The following RNF144B variants were observed in gnomAD, a reference collection of about 807,000 sequenced individuals.
The protein encoded by RNF144B is E3 ubiquitin-protein ligase RNF144B.
Under a neutral mutation model 40.2 loss-of-function variants are expected in RNF144B, and 25 were observed. That is an observed-to-expected ratio of 0.62 (90% confidence interval 0.45 to 0.87). RNF144B has a LOEUF of 0.87. Among genes scored for constraint, RNF144B ranks in the 40% least tolerant of loss-of-function variants. The pLI is 0.00. For missense variants in RNF144B, 365 were observed against 373.7 expected (o/e 0.98, Z 0.19); for synonymous variants, 145 against 136.3 (o/e 1.06, Z -0.44).
At chr6:18,404,833 T>C (rs1469130827) in intron 2 of RNF144B, among the ~76,000 whole-genome samples, 1 of 152,196 alleles carries the variant, frequency 6.6e-6, no homozygotes, top group Admixed American at 6.5e-5. Flanking sequence ...TCCAAGAACA[T>C]AATAATATAA....
chr6:18,400,165 C>G lies in RNF144B; in HGVS notation c.165+466C>G, dbSNP rs896248555. On this transcript the variant is annotated intron_variant, in intron 2 of 7. Coordinates refer to ENST00000259939, the MANE Select transcript of RNF144B (RefSeq NM_182757.4). The surrounding 1 kb of genome is among the most constrained non-coding windows in gnomAD (Gnocchi z 5.6). ...GCGGGCGCCTGTAGTCCCAGCTACTCGGGAGGCGGAGGCAGGAGAATGGCG... is the reference window on the plus strand; with the variant it reads ...GCGGGCGCCTGTAGTCCCAGCTACTGGGGAGGCGGAGGCAGGAGAATGGCG... Among the ~76,000 whole-genome samples, 2 of 151,458 alleles carry G rather than the reference C, an allele frequency of 1.3e-5. No homozygotes were observed. Among genetic ancestry groups the G allele is most frequent in the African/African-American group, 2.4e-5 (1 of 41,164 alleles).
chr6:18,407,070 C>T (rs978257346), intron 2 of RNF144B, among the ~76,000 whole-genome samples: 3 of 152,068 alleles, frequency 2.0e-5, no homozygotes, highest in Non-Finnish European at 4.4e-5. Context: ...CAGGTCCCTC[C>T]CTCAACATCT....
At position 18,451,417 on chromosome 6, in the gene RNF144B, C is replaced by T. The variant is rs1219299005; in HGVS notation, c.332-5738C>T. On this transcript the variant is annotated intron_variant, in intron 4 of 7. Coordinates refer to ENST00000259939, the MANE Select transcript of RNF144B (RefSeq NM_182757.4). ...TTTAATTGAAGTCGAGGCTTACTTA[C>T]GATATGAGTTCCGTAAATAAGTATG... is the stretch of plus-strand genomic sequence containing the variant. Among the ~76,000 whole-genome samples the T allele has an allele frequency of 3.3e-5, 5 of 152,176 alleles. No individual in the cohort carries two copies. The East Asian group carries it at 5.8e-4, about 18-fold the overall frequency.
chr6:18,396,594 A>T (rs907710865), intron 1 of RNF144B: 1 of 984,960 alleles, frequency 1.0e-6, no homozygotes, highest in African/African-American at 1.8e-5. Context: ...TTTTTCTCCT[A>T]CTCAGGAAGC....
Position 18,464,878 on chromosome 6 carries a change from A to C in RNF144B, c.772-49A>C, listed in dbSNP as rs146237176. ...AACAGTATAGTTGGAATAAGTATACATATTGAAAGACTTAATTGCTGAAAT... is the reference window on the plus strand; with the variant it reads ...AACAGTATAGTTGGAATAAGTATACCTATTGAAAGACTTAATTGCTGAAAT... On this transcript the variant is annotated intron_variant, in intron 7 of 7. Coordinates refer to ENST00000259939, the MANE Select transcript of RNF144B (RefSeq NM_182757.4). This position sits in a 1 kb window ranked among gnomAD's most constrained non-coding sequence, Gnocchi z 6.1. 3.9e-5 allele frequency: 61 copies of C among 1,582,404 alleles called. No individual in the cohort carries two copies. In the African/African-American group the frequency reaches 7.0e-4, roughly 18 times the overall value.
intron 1 of RNF144B, among the ~76,000 whole-genome samples, chr6:18,394,634 A>G (rs1794656793): frequency 6.6e-6 from 1 of 151,782 alleles, no homozygotes; most frequent in South Asian, 2.1e-4. Flanking sequence ...AAAAGCTTTG[A>G]ATGTTGGCTC....
chr6:18,461,434 C>T (rs1014537993), intron 6 of RNF144B, among the ~76,000 whole-genome samples: 2 of 152,050 alleles, frequency 1.3e-5, no homozygotes, highest in Non-Finnish European at 2.9e-5. Context: ...CAGGTTTCAC[C>T]AGAATATTAA....
Position 18,459,745 on chromosome 6 carries a change from C to T in RNF144B, c.675C>T (p.Asn225=), listed in dbSNP as rs1242345655. 6.2e-7 allele frequency: 1 copy of T among 1,613,894 alleles called. No homozygotes were observed. The highest frequency in any genetic ancestry group is 8.5e-7 in the Non-Finnish European group (1 of 1,179,764). ...CATTTTGCTGGTACTGCCTCCAGAACTTGGATGTAAGTTCCACCTAGGTTT... is the reference window on the plus strand; with the variant it reads ...CATTTTGCTGGTACTGCCTCCAGAATTTGGATGTAAGTTCCACCTAGGTTT... The part of the protein sequence containing the change: ...KHTFCWYCLQ[N]LDNDIFLRHY... Residue 225 remains asparagine (N), a synonymous_variant, in exon 6 of 8, where the codon AAC becomes AAT. Transcript: ENST00000259939. This position sits in a 1 kb window ranked among gnomAD's most constrained non-coding sequence, Gnocchi z 4.2.
Position 18,465,175 on chromosome 6 carries a change from C to G in RNF144B, c.*108C>G. ...CTTCTCCTTGCCAACTTTGAAAGTGCCTCCGTGTCCAGACTTTGAACTTGC... is the reference window on the plus strand; with the variant it reads ...CTTCTCCTTGCCAACTTTGAAAGTGGCTCCGTGTCCAGACTTTGAACTTGC... On this transcript the variant is annotated 3_prime_UTR_variant, in exon 8 of 8. Transcript: ENST00000259939. The G allele has an allele frequency of 1.7e-6, 2 of 1,151,758 alleles. No individual in the cohort carries two copies. The highest frequency in any genetic ancestry group is 2.5e-6 in the Non-Finnish European group (2 of 808,254). 71.3% of individuals were successfully genotyped at this position (1,151,758 alleles called of 1,614,324 possible).
At position 18,444,622 on chromosome 6, in the gene RNF144B, G is replaced by A. The variant is rs1280038168; in HGVS notation, c.331+4878G>A. Among the ~76,000 whole-genome samples, 4 of 152,022 alleles carry A rather than the reference G, an allele frequency of 2.6e-5. No homozygotes were observed. In the East Asian group the frequency reaches 5.8e-4, roughly 22 times the overall value. ...GAATATTTATTTATATTACCATATA[G>A]CAGTTTAAGAACTCTTACAGAAGGG... On this transcript the variant is annotated intron_variant, in intron 4 of 7. Transcript: ENST00000259939. The surrounding 1 kb of genome is among the most constrained non-coding windows in gnomAD (Gnocchi z 4.3).
chr6:18,390,067 C>G (rs989033954), intron 1 of RNF144B, among the ~76,000 whole-genome samples: 3 of 152,180 alleles, frequency 2.0e-5, no homozygotes, highest in Non-Finnish European at 4.4e-5. Flanking sequence ...GATGTGGTCT[C>G]TGTCCGGAAG....
rs1759009358 is a variant in RNF144B, at chr6:18,443,399, A to T, written c.331+3655A>T. ...TGCCTCAGCCTCCCGAGTAGATGGG[A>T]TTACAGGTGCCTGCCACCACACTTG... is the stretch of plus-strand genomic sequence containing the variant. On this transcript the variant is annotated intron_variant, in intron 4 of 7. Coordinates refer to ENST00000259939, the MANE Select transcript of RNF144B (RefSeq NM_182757.4). This position sits in a 1 kb window ranked among gnomAD's most constrained non-coding sequence, Gnocchi z 4.7. 6.6e-6 allele frequency among the ~76,000 whole-genome samples: 1 copy of T among 151,994 alleles called. No individual in the cohort carries two copies. The highest frequency in any genetic ancestry group is 6.6e-5 in the Admixed American group (1 of 15,264).
At chr6:18,462,119 G>A (rs1440141616) in intron 6 of RNF144B, among the ~76,000 whole-genome samples, 1 of 152,034 alleles carries the variant, frequency 6.6e-6, no homozygotes, top group Non-Finnish European at 1.5e-5. Flanking sequence ...TTTTCTTAAA[G>A]CCTACTTCTT....
rs1452880210 is a variant in RNF144B at position 18,447,864 on chromosome 6, A to G, written c.331+8120A>G. On this transcript the variant is annotated intron_variant, in intron 4 of 7. Coordinates refer to ENST00000259939, the MANE Select transcript of RNF144B (RefSeq NM_182757.4). This position sits in a 1 kb window ranked among gnomAD's most constrained non-coding sequence, Gnocchi z 5.6. Reference sequence around the variant, plus strand: ...GCCCTGGGACACTATAGGTTTTAGAAGAGGTGGATCTGGCAAAGGAGATTG... The same window carrying G: ...GCCCTGGGACACTATAGGTTTTAGAGGAGGTGGATCTGGCAAAGGAGATTG... Among the ~76,000 whole-genome samples, 1 of 152,204 alleles carries G rather than the reference A, an allele frequency of 6.6e-6. No individual in the cohort carries two copies. Among genetic ancestry groups the G allele is most frequent in the East Asian group, 1.9e-4 (1 of 5,194 alleles).
intron 1 of RNF144B, among the ~76,000 whole-genome samples, chr6:18,397,461 A>T (rs1298198350): frequency 2.0e-5 from 3 of 152,214 alleles, no homozygotes; most frequent in Admixed American, 6.5e-5. Context: ...CTTTTGTTTA[A>T]CCAGAACATG....
intron 3 of RNF144B, among the ~76,000 whole-genome samples, chr6:18,437,405 T>C (rs1307139760): frequency 1.3e-5 from 2 of 152,060 alleles, no homozygotes; most frequent in African/African-American, 2.4e-5. Flanking sequence ...ACCACTGCAC[T>C]CCAGCCTGGG....
chr6:18,424,173 C>T (rs973526050), intron 2 of RNF144B, among the ~76,000 whole-genome samples: 2 of 152,064 alleles, frequency 1.3e-5, no homozygotes, highest in African/African-American at 4.8e-5. Context: ...TTCATGTGAA[C>T]GTTTTCACTT....
At chr6:18,463,059 T>G (rs962536178) in intron 6 of RNF144B, among the ~76,000 whole-genome samples, 2 of 151,928 alleles carry the variant, frequency 1.3e-5, no homozygotes, top group Non-Finnish European at 2.9e-5. Context: ...TACTACTCTT[T>G]TTTTTTCTTT....
rs1458906072 is a variant in RNF144B, at chr6:18,449,458, C to T, written c.332-7697C>T. Among the ~76,000 whole-genome samples the T allele has an allele frequency of 4.6e-5, 7 of 152,008 alleles. No individual in the cohort carries two copies. The East Asian group carries it at 1.4e-3, about 29-fold the overall frequency. Reference sequence around the variant, plus strand: ...TTTAACATTTTTATTTCACAAAAATCAATAATACATAGACAAGAGATAAAT... The same window carrying T: ...TTTAACATTTTTATTTCACAAAAATTAATAATACATAGACAAGAGATAAAT... On this transcript the variant is annotated intron_variant, in intron 4 of 7. Transcript: ENST00000259939.
Sources: allele counts gnomAD v4.1 joint callset (sites outside exome capture counted in the v4.1 genomes callset), GRCh38; gene constraint gnomAD v4.1.1; non-coding constraint Gnocchi (gnomAD v3.1); transcripts MANE v1.5; gene names NCBI Gene and HGNC (gene_info 2026-07-23, HGNC 2026-07-21).